Variants in SLC24A2 observed in about 807,000 individuals in gnomAD.
SLC24A2 encodes the protein solute carrier family 24 member 2.
A neutral mutation model predicts 62.0 loss-of-function variants in SLC24A2; 36 were observed. That is an observed-to-expected ratio of 0.58 (90% CI 0.44 to 0.77). The LOEUF is 0.77. SLC24A2 is among the 30% of genes least tolerant of loss of function. SLC24A2 has a pLI of 0.00. For synonymous variants in SLC24A2, 358 were observed against 294.0 expected (o/e 1.22, Z -2.23); for missense variants, 846 against 817.9 (o/e 1.03, Z -0.42).
chr9:20,158,232 G>C, the SLC24A2 span, among the ~76,000 whole-genome samples: 5 of 151,816 alleles, frequency 3.3e-5, no homozygotes, highest in East Asian at 9.8e-4. Flanking sequence ...ATTATAAGTT[G>C]CACAAGGAAG....
At chr9:20,289,688 G>A in the SLC24A2 span, among the ~76,000 whole-genome samples, 4 of 152,122 alleles carry the variant, frequency 2.6e-5, no homozygotes, top group African/African-American at 9.7e-5. Flanking sequence ...GACAGGGCTG[G>A]CACTCCATGA....
the SLC24A2 span, among the ~76,000 whole-genome samples, chr9:19,796,030 C>CA: frequency 1.3e-5 from 2 of 148,310 alleles, no homozygotes; most frequent in Non-Finnish European, 3.0e-5. Context: ...GACAAAAAAC[C>CA]AAACACTGCA....
the SLC24A2 span, among the ~76,000 whole-genome samples, chr9:20,011,899 C>G: frequency 1.3e-5 from 2 of 152,058 alleles, no homozygotes; most frequent in South Asian, 4.1e-4. Context: ...TGCAAACCAG[C>G]AAATGTGATA....
At chr9:20,305,523 C>T in the SLC24A2 span, among the ~76,000 whole-genome samples, 2 of 152,112 alleles carry the variant, frequency 1.3e-5, no homozygotes, top group Admixed American at 6.6e-5. Context: ...GCAATAACAG[C>T]TGTCGTTTTT....
intron 2 of SLC24A2, among the ~76,000 whole-genome samples, chr9:19,636,396 T>TCTCTCG (rs1476347927): frequency 1.0e-5 from 1 of 98,550 alleles, no homozygotes; most frequent in Non-Finnish European, 1.9e-5. Context: ...TCTCCCTCTC[T>TCTCTCG]CTCTCTCTCT....
intron 10 of SLC24A2, among the ~76,000 whole-genome samples, chr9:19,519,509 G>C (rs1442280932): frequency 6.6e-6 from 1 of 152,170 alleles, no homozygotes; most frequent in Non-Finnish European, 1.5e-5. Context: ...ACGGAACTGA[G>C]AAACACTGTT....
chr9:19,935,339 C>G, the SLC24A2 span, among the ~76,000 whole-genome samples: 1 of 151,904 alleles, frequency 6.6e-6, no homozygotes, highest in African/African-American at 2.4e-5. Context: ...CTGGTAGGCA[C>G]AAAGTCCTTG....
chr9:19,798,563 A>T, the SLC24A2 span, among the ~76,000 whole-genome samples: 1 of 151,506 alleles, frequency 6.6e-6, no homozygotes, highest in Non-Finnish European at 1.5e-5. Flanking sequence ...CATTGCTTTT[A>T]TATATGAACA....
the SLC24A2 span, among the ~76,000 whole-genome samples, chr9:20,114,160 G>T: frequency 3.3e-5 from 5 of 152,070 alleles, no homozygotes; most frequent in East Asian, 7.7e-4. Flanking sequence ...GTGGTCCAAA[G>T]ATCTGCGCAG....
intron 4 of SLC24A2, among the ~76,000 whole-genome samples, chr9:19,612,592 A>C (rs1483192535): frequency 2.0e-5 from 3 of 152,214 alleles, no homozygotes; most frequent in Non-Finnish European, 4.4e-5. Flanking sequence ...CCAAGGTCAC[A>C]CACCTAGTGA....
the SLC24A2 span, among the ~76,000 whole-genome samples, chr9:19,840,963 A>C: frequency 4.6e-5 from 7 of 152,160 alleles, no homozygotes; most frequent in Non-Finnish European, 8.8e-5. Flanking sequence ...TTTCCATTGT[A>C]CATAAGGGAA....
chr9:19,547,650 A>T (rs954201607), intron 8 of SLC24A2, among the ~76,000 whole-genome samples: 1 of 151,528 alleles, frequency 6.6e-6, no homozygotes, highest in African/African-American at 2.4e-5. Context: ...ATTCCTGCAC[A>T]TCTTCCTGAG....
At chr9:19,553,703 C>G (rs1349566129) in intron 7 of SLC24A2, among the ~76,000 whole-genome samples, 1 of 152,200 alleles carries the variant, frequency 6.6e-6, no homozygotes, top group Admixed American at 6.5e-5. Flanking sequence ...GTAGTTACCA[C>G]CAACACCTGC....
intron 7 of SLC24A2, among the ~76,000 whole-genome samples, chr9:19,555,750 G>T (rs1010123698): frequency 6.6e-6 from 1 of 152,140 alleles, no homozygotes; most frequent in Admixed American, 6.5e-5. Flanking sequence ...TTTGAGACCA[G>T]CTTGGCCAAC....
At chr9:20,265,712 G>A in the SLC24A2 span, among the ~76,000 whole-genome samples, 9 of 149,926 alleles carry the variant, frequency 6.0e-5, no homozygotes, top group Admixed American at 6.6e-5. Context: ...CAATGTTCAG[G>A]GAACAAGAGA....
At chr9:19,666,240 A>C (rs1819249211) in intron 2 of SLC24A2, among the ~76,000 whole-genome samples, 1 of 151,988 alleles carries the variant, frequency 6.6e-6, no homozygotes, top group African/African-American at 2.4e-5. Context: ...CCTCATCTCC[A>C]CAAAAAAATA....
chr9:19,676,728 C>T lies in SLC24A2; in HGVS notation c.931-54429G>A, dbSNP rs142969213. ...TCCAGTTAAAATGTCACATAAAAAACGGATACAATTTTGTCCACTATTGAG... is the reference window on the plus strand; with the variant it reads ...TCCAGTTAAAATGTCACATAAAAAATGGATACAATTTTGTCCACTATTGAG... On this transcript the variant is annotated intron_variant, in intron 2 of 10. Coordinates refer to ENST00000341998, the MANE Select transcript of SLC24A2 (RefSeq NM_020344.4). Among the ~76,000 whole-genome samples, 56 of 152,216 alleles carry T rather than the reference C, an allele frequency of 3.7e-4. 1 individual carries two copies. The East Asian group carries it at 9.1e-3, about 25-fold the overall frequency.
the SLC24A2 span, among the ~76,000 whole-genome samples, chr9:19,834,667 G>A: frequency 1.3e-5 from 2 of 152,176 alleles, no homozygotes; most frequent in Non-Finnish European, 2.9e-5. Flanking sequence ...TATTATCCAG[G>A]AGAACTTCCC....
chr9:19,938,893 AAAACAAAAC>A, the SLC24A2 span, among the ~76,000 whole-genome samples: 1 of 130,122 alleles, frequency 7.7e-6, no homozygotes, highest in African/African-American at 2.8e-5. Context: ...GACTATGTAC[AAAACAAAAC>A]AAACAAACAA....
Sources: allele counts gnomAD v4.1 joint callset (sites outside exome capture counted in the v4.1 genomes callset), GRCh38; gene constraint gnomAD v4.1.1; transcripts MANE v1.5; gene names NCBI Gene and HGNC (gene_info 2026-07-23, HGNC 2026-07-21).